SLC24A2: variants seen among roughly 807,000 people sequenced by gnomAD.
SLC24A2 encodes the protein sodium/potassium/calcium exchanger 2.
A neutral mutation model predicts 62.0 loss-of-function variants in SLC24A2; 36 were observed. The ratio of observed to expected loss-of-function variants is 0.58; its 90% CI spans 0.44 to 0.77. The LOEUF (loss-of-function observed/expected upper bound fraction) is 0.77, where lower values mean the gene tolerates loss of function less well. Ranked by LOEUF, SLC24A2 falls within the 30% of genes least tolerant of loss-of-function variation. The pLI, the probability that SLC24A2 is intolerant of heterozygous loss-of-function variation, is 0.00. For missense variants in SLC24A2, 846 were observed against 817.9 expected (o/e 1.03, Z -0.42); for synonymous variants, 358 against 294.0 (o/e 1.22, Z -2.23).
intron 2 of SLC24A2, among the ~76,000 whole-genome samples, chr9:19,768,853 C>A (rs959577783): frequency 6.6e-6 from 1 of 152,166 alleles, no homozygotes; most frequent in Admixed American, 6.5e-5. Context: ...GTAGCTGCAC[C>A]TCCCAGGCTC....
the SLC24A2 span, among the ~76,000 whole-genome samples, chr9:19,886,915 A>C: frequency 6.6e-6 from 1 of 152,164 alleles, no homozygotes; most frequent in African/African-American, 2.4e-5. Flanking sequence ...ACATGGATAG[A>C]GCTGGCAGCC....
At chr9:20,114,702 A>G in the SLC24A2 span, among the ~76,000 whole-genome samples, 1 of 152,116 alleles carries the variant, frequency 6.6e-6, no homozygotes, top group African/African-American at 2.4e-5. Context: ...GCATTTTAGC[A>G]CCAACCAGTG....
At chr9:20,119,201 C>T in the SLC24A2 span, among the ~76,000 whole-genome samples, 8 of 152,080 alleles carry the variant, frequency 5.3e-5, no homozygotes, top group East Asian at 1.9e-4. Context: ...AGCCTTCCAA[C>T]GAGAATATAG....
the SLC24A2 span, among the ~76,000 whole-genome samples, chr9:20,188,701 G>C: frequency 6.6e-6 from 1 of 152,082 alleles, no homozygotes; most frequent in Non-Finnish European, 1.5e-5. Flanking sequence ...CAGGAGCTAG[G>C]ATGACGGGAG....
chr9:19,868,292 T>C, the SLC24A2 span, among the ~76,000 whole-genome samples: 1 of 152,186 alleles, frequency 6.6e-6, no homozygotes, highest in Non-Finnish European at 1.5e-5. Context: ...TTTTCAAATA[T>C]TCTATTGTGA....
chr9:20,065,900 G>A, the SLC24A2 span, among the ~76,000 whole-genome samples: 4 of 152,080 alleles, frequency 2.6e-5, no homozygotes, highest in African/African-American at 7.2e-5. Flanking sequence ...AAGTCCTCCC[G>A]GGAATTCTTT....
chr9:19,716,031 A>G (rs1186126878), intron 2 of SLC24A2, among the ~76,000 whole-genome samples: 2 of 152,226 alleles, frequency 1.3e-5, no homozygotes, highest in Non-Finnish European at 2.9e-5. Flanking sequence ...TACAACTTAC[A>G]AAATTAGAGG....
At chr9:19,818,864 G>A in the SLC24A2 span, among the ~76,000 whole-genome samples, 2 of 151,848 alleles carry the variant, frequency 1.3e-5, no homozygotes, top group Non-Finnish European at 2.9e-5. Context: ...ATTCATATGG[G>A]AACAAAAAAG....
At chr9:19,552,000 T>G (rs1834869908) in intron 7 of SLC24A2, among the ~76,000 whole-genome samples, 1 of 152,186 alleles carries the variant, frequency 6.6e-6, no homozygotes, top group South Asian at 2.1e-4. Context: ...AAACAGCAAA[T>G]ATGGTGGAAT....
At chr9:20,012,329 C>A in the SLC24A2 span, among the ~76,000 whole-genome samples, 2 of 152,148 alleles carry the variant, frequency 1.3e-5, no homozygotes, top group Non-Finnish European at 2.9e-5. Flanking sequence ...CAGGGAAACT[C>A]CCCTTTTTAA....
In SLC24A2 at chr9:19,512,865, C is replaced by A. The variant is rs181573180; in HGVS notation, c.*3288G>T. On this transcript the variant is annotated 3_prime_UTR_variant, in exon 11 of 11. Coordinates refer to ENST00000341998, the MANE Select transcript of SLC24A2 (RefSeq NM_020344.4). ...ATTTTCTGTTGTGTATTCTTTGCCT[C>A]TATATCAGCATTAGGGATATGGCTG... 6.6e-6 allele frequency: 1 copy of A among 151,924 alleles called. No homozygotes were observed. The highest frequency in any genetic ancestry group is 6.6e-5 in the Admixed American group (1 of 15,248). The allele number at this position is 151,924 out of a possible 1,614,324, so 9.4% of individuals were successfully genotyped here.
chr9:19,928,622 A>T, the SLC24A2 span: 1 of 152,208 alleles, frequency 6.6e-6, no homozygotes, highest in Non-Finnish European at 1.5e-5. Flanking sequence ...TAATAATTAC[A>T]ATCATCAAAA....
At chr9:19,992,376 T>C in the SLC24A2 span, among the ~76,000 whole-genome samples, 1 of 152,212 alleles carries the variant, frequency 6.6e-6, no homozygotes, top group Non-Finnish European at 1.5e-5. Context: ...TTATTGAAGA[T>C]ATTTTTACAA....
the SLC24A2 span, among the ~76,000 whole-genome samples, chr9:20,288,945 C>T: frequency 6.6e-6 from 1 of 152,048 alleles, no homozygotes; most frequent in African/African-American, 2.4e-5. Context: ...AATGTCTCAA[C>T]TGACAGCCGG....
At chr9:19,543,391 AT>A (rs145894518) in intron 8 of SLC24A2, among the ~76,000 whole-genome samples, 11,090 of 145,108 alleles carry the variant, frequency 0.076, 1,378 homozygotes, top group African/African-American at 0.26. Context: ...GGATTCATTG[AT>A]TTTTTTTTTT....
chr9:19,550,900 T>C (rs567198263), intron 7 of SLC24A2, among the ~76,000 whole-genome samples: 1 of 152,290 alleles, frequency 6.6e-6, no homozygotes, highest in Admixed American at 6.5e-5. Flanking sequence ...ATTTTTTACA[T>C]GCATTGAATG....
At chr9:19,654,123 G>C (rs575282752) in intron 2 of SLC24A2, among the ~76,000 whole-genome samples, 1 of 152,108 alleles carries the variant, frequency 6.6e-6, no homozygotes, top group South Asian at 2.1e-4. Flanking sequence ...ATCCACTTTT[G>C]GTTATTACAG....
At chr9:19,688,133 T>C (rs1226832981) in intron 2 of SLC24A2, among the ~76,000 whole-genome samples, 1 of 152,152 alleles carries the variant, frequency 6.6e-6, no homozygotes, top group African/African-American at 2.4e-5. Context: ...TGTATAAATC[T>C]TGAAGTAAGG....
At chr9:19,636,472 C>A (rs1291458111) in intron 2 of SLC24A2, among the ~76,000 whole-genome samples, 2 of 149,334 alleles carry the variant, frequency 1.3e-5, no homozygotes, top group Non-Finnish European at 3.0e-5. Context: ...CACTCTGTTA[C>A]CCAGGCTGCA....
Sources: allele counts gnomAD v4.1 joint callset (sites outside exome capture counted in the v4.1 genomes callset), GRCh38; gene constraint gnomAD v4.1.1; transcripts MANE v1.5; gene names NCBI Gene and HGNC (gene_info 2026-07-23, HGNC 2026-07-21).